Variants in DENND1B observed in about 807,000 individuals in gnomAD.
The protein encoded by DENND1B is DENN domain-containing protein 1B.
Under a neutral mutation model 90.1 loss-of-function variants are expected in DENND1B, and 59 were observed. The ratio of observed to expected loss-of-function variants is 0.65; its 90% CI spans 0.53 to 0.81. The LOEUF (loss-of-function observed/expected upper bound fraction) is 0.81, where lower values mean the gene tolerates loss of function less well. Ranked by LOEUF, DENND1B falls within the 40% of genes least tolerant of loss-of-function variation. DENND1B has a pLI of 0.00. For synonymous variants in DENND1B, 337 were observed against 324.6 expected, an observed-to-expected ratio of 1.04 and a Z score of -0.41; for missense variants, 862 against 912.6, an observed-to-expected ratio of 0.94 and a Z score of 0.71.
At chr1:197,680,188 A>AT (rs1656534109) in intron 3 of DENND1B, among the ~76,000 whole-genome samples, 1 of 145,456 alleles carries the variant, frequency 6.9e-6, no homozygotes, top group Non-Finnish European at 1.5e-5. Context: ...TTGAATAGAA[A>AT]TTACCCAGCT....
intron 5 of DENND1B, among the ~76,000 whole-genome samples, chr1:197,667,256 T>G (rs1381609566): frequency 1.3e-5 from 2 of 152,060 alleles, no homozygotes; most frequent in Non-Finnish European, 2.9e-5. Context: ...TCTCCAAGCA[T>G]CTTACAAATC....
At chr1:197,578,057 T>C (rs940862228) in intron 15 of DENND1B, among the ~76,000 whole-genome samples, 1 of 152,204 alleles carries the variant, frequency 6.6e-6, no homozygotes, top group Non-Finnish European at 1.5e-5. Context: ...TGGTAGCTTC[T>C]GCTTTGTTGA....
At chr1:197,563,505 T>A (rs1311946994) in intron 15 of DENND1B, among the ~76,000 whole-genome samples, 3 of 151,974 alleles carry the variant, frequency 2.0e-5, no homozygotes, top group African/African-American at 7.2e-5. Flanking sequence ...CTAAGCCCAC[T>A]GTTGAGATCT....
chr1:197,530,126 T>C (rs995319501), intron 20 of DENND1B, among the ~76,000 whole-genome samples: 3 of 152,174 alleles, frequency 2.0e-5, no homozygotes, highest in Non-Finnish European at 2.9e-5. Flanking sequence ...TTACTATTTG[T>C]TGGATGTGGA....
chr1:197,572,591 A>G (rs1161703788), intron 15 of DENND1B, among the ~76,000 whole-genome samples: 1 of 152,180 alleles, frequency 6.6e-6, no homozygotes, highest in Non-Finnish European at 1.5e-5. Context: ...GAGCTCTGAG[A>G]ATGGACAGAC....
chr1:197,641,441 G>T (rs1558342615), intron 10 of DENND1B, among the ~76,000 whole-genome samples: 2 of 152,058 alleles, frequency 1.3e-5, no homozygotes, highest in Non-Finnish European at 2.9e-5. Flanking sequence ...AAAATTACTT[G>T]TGTCATTGAC....
At chr1:197,594,571 C>T (rs4274099) in intron 14 of DENND1B, among the ~76,000 whole-genome samples, 58,290 of 151,958 alleles carry the variant, frequency 0.38, 13,741 homozygotes, top group East Asian at 0.66. Context: ...ATCAGCCTAA[C>T]ATGCTCTAAC....
intron 15 of DENND1B, among the ~76,000 whole-genome samples, chr1:197,576,267 A>G (rs567595917): frequency 6.6e-6 from 1 of 152,166 alleles, no homozygotes. Context: ...GGAACATTCA[A>G]TGTGATTGCA....
In DENND1B at chr1:197,729,680, G is replaced by A. The variant is rs904286101; in HGVS notation, c.83-14606C>T. On this transcript the variant is annotated intron_variant, in intron 2 of 22. Coordinates refer to ENST00000620048, the MANE Select transcript of DENND1B (RefSeq NM_001195215.2). ...TTATCCTTGGGCATTTGCCACTGAC[G>A]TGTTTTTAGTTAGCCCCCATAATGT... 4.6e-5 allele frequency among the ~76,000 whole-genome samples: 7 copies of A among 152,090 alleles called. No individual in the cohort carries two copies. In the South Asian group the frequency reaches 6.2e-4, roughly 13 times the overall value.
Position 197,738,335 on chromosome 1 carries a change from A to T in DENND1B, c.83-23261T>A, listed in dbSNP as rs148244996. Among the ~76,000 whole-genome samples, 1,141 of 152,088 alleles carry T rather than the reference A, an allele frequency of 7.5e-3. 8 individuals carry two copies. Among genetic ancestry groups the T allele is most frequent in the Non-Finnish European group, 9.5e-3 (641 of 67,796 alleles). ...AAAAATATCAACATTAAATCCACATAGAGAATGACAGCCAGGTCACAACAA... is the reference window on the plus strand; with the variant it reads ...AAAAATATCAACATTAAATCCACATTGAGAATGACAGCCAGGTCACAACAA... On this transcript the variant is annotated intron_variant, in intron 2 of 22. Transcript: ENST00000620048.
chr1:197,700,282 T>C (rs1309717249), intron 3 of DENND1B, among the ~76,000 whole-genome samples: 2 of 151,968 alleles, frequency 1.3e-5, no homozygotes, highest in Non-Finnish European at 2.9e-5. Context: ...TATAGACCAA[T>C]GGAACAGAAA....
At chr1:197,746,353 C>T (rs1446487992) in intron 2 of DENND1B, among the ~76,000 whole-genome samples, 1 of 152,166 alleles carries the variant, frequency 6.6e-6, no homozygotes, top group East Asian at 1.9e-4. Flanking sequence ...CAAAATCATG[C>T]TACCGCACTC....
At chr1:197,620,204 AT>A (rs1678029995) in intron 10 of DENND1B, among the ~76,000 whole-genome samples, 1 of 151,272 alleles carries the variant, frequency 6.6e-6, no homozygotes, top group Non-Finnish European at 1.5e-5. Flanking sequence ...TTAAAAAAAA[AT>A]GAGAAAATAC....
chr1:197,552,779 T>C, intron 16 of DENND1B: 1 of 1,283,420 alleles, frequency 7.8e-7, no homozygotes, highest in Non-Finnish European at 9.8e-7. Context: ...TCCAGCAATA[T>C]TAAGAGATTA....
chr1:197,582,198 A>G (rs945903681), intron 15 of DENND1B, among the ~76,000 whole-genome samples: 1 of 152,134 alleles, frequency 6.6e-6, no homozygotes, highest in African/African-American at 2.4e-5. Flanking sequence ...GTATTTTGTA[A>G]TCTCAGATTA....
chr1:197,516,281 T>G (rs1668393131), intron 20 of DENND1B, among the ~76,000 whole-genome samples: 1 of 151,826 alleles, frequency 6.6e-6, no homozygotes, highest in South Asian at 2.1e-4. Context: ...GAAATAAGCT[T>G]CTTCTAATTA....
chr1:197,581,357 G>C (rs1674221133), intron 15 of DENND1B, among the ~76,000 whole-genome samples: 1 of 152,100 alleles, frequency 6.6e-6, no homozygotes, highest in African/African-American at 2.4e-5. Flanking sequence ...TAGTTCTTTG[G>C]TTGACCATTT....
intron 6 of DENND1B, among the ~76,000 whole-genome samples, chr1:197,655,118 C>T (rs773300341): frequency 5.9e-5 from 9 of 152,096 alleles, no homozygotes; most frequent in Non-Finnish European, 1.3e-4. Context: ...AGGAAAATAA[C>T]ATTCTGTCTT....
intron 2 of DENND1B, among the ~76,000 whole-genome samples, chr1:197,754,675 A>AAAAAAAAAAAAAAAAAAAAAAAAAAC: frequency 6.6e-6 from 1 of 151,292 alleles, no homozygotes; most frequent in African/African-American, 2.4e-5. Context: ...AAAAAAAAAA[A>AAAAAAAAAAAAAAAAAAAAAAAAAAC]AAAAAAAAAA....
Sources: allele counts gnomAD v4.1 joint callset (sites outside exome capture counted in the v4.1 genomes callset), GRCh38; gene constraint gnomAD v4.1.1; transcripts MANE v1.5; gene names NCBI Gene and HGNC (gene_info 2026-07-23, HGNC 2026-07-21).